KNL1: variants seen among roughly 807,000 people sequenced by gnomAD.
The protein encoded by KNL1 is kinetochore scaffold 1, also known as outer kinetochore KNL1 complex subunit KNL1.
Under a neutral mutation model 201.3 loss-of-function variants are expected in KNL1, and 66 were observed. The observed-to-expected ratio is 0.33, with a 90% CI of 0.27 to 0.40. The LOEUF (loss-of-function observed/expected upper bound fraction) is 0.40, where lower values mean the gene tolerates loss of function less well. Ranked by LOEUF, KNL1 falls within the 10% of genes least tolerant of loss-of-function variation. The probability of loss-of-function intolerance (pLI) is 1.00; values close to 1 mark genes in which losing one functional copy is unlikely to be tolerated. For missense variants in KNL1, 2,815 were observed against 2,690.5 expected (o/e 1.05, Z -1.02); for synonymous variants, 895 against 899.2 (o/e 1.00, Z 0.08).
At chr15:40,651,911 C>A in intron 20 of KNL1, 94 bp from the exon 21 acceptor site, 3 of 702,040 alleles carry the variant, frequency 4.3e-6, no homozygotes, top group South Asian at 1.9e-5. Context: ...AAAACATTAG[C>A]AGCTGCTGTT....
At chr15:40,594,705 T>G (rs1469443542) in intron 1 of KNL1, among the ~76,000 whole-genome samples, 1 of 152,134 alleles carries the variant, frequency 6.6e-6, no homozygotes, top group Non-Finnish European at 1.5e-5. Flanking sequence ...CCTGCCGTCC[T>G]CTGTCAGGGC....
Position 40,622,107 on chromosome 15 carries a change from A to G in KNL1, c.1843A>G (p.Ile615Val). 6.2e-7 allele frequency: 1 copy of G among 1,614,124 alleles called. No homozygotes were observed. The highest frequency in any genetic ancestry group is 8.5e-7 in the Non-Finnish European group (1 of 1,179,986). Residue 615 changes from isoleucine to valine, a missense_variant, in exon 10 of 26, where the codon ATT (isoleucine) becomes GTT (valine). Physicochemically the swap from Ile to Val is conservative, Grantham distance 29 (BLOSUM62 3). Coordinates refer to ENST00000399668, the MANE Select transcript of KNL1 (RefSeq NM_144508.5). ...AAGCTCTTCAGATGAATGTGAAGAA[A>G]TTACCAAAAGTCGTAATGAACCATT... ...SKSSSDECEE[I>V]TKSRNEPFQR...
At chr15:40,619,513 C>T (rs972022404) in intron 9 of KNL1, among the ~76,000 whole-genome samples, 2 of 152,016 alleles carry the variant, frequency 1.3e-5, no homozygotes, top group Non-Finnish European at 2.9e-5. Context: ...GCGATCCTCC[C>T]ACCTCAGCCT....
Position 40,621,584 on chromosome 15 carries a change from C to G in KNL1, c.1320C>G (p.Thr440=). The G allele has an allele frequency of 6.2e-7, 1 of 1,609,504 alleles. No individual in the cohort carries two copies. Among genetic ancestry groups the G allele is most frequent in the Non-Finnish European group, 8.5e-7 (1 of 1,177,844 alleles). The change falls in exon 10 of 26, where the codon ACC becomes ACG. Residue 440 remains threonine (T), a synonymous_variant. Coordinates refer to ENST00000399668, the MANE Select transcript of KNL1 (RefSeq NM_144508.5). The part of the protein sequence containing the change: ...YSSCNDAMEM[T]KCLSNMREEK... ...GTTGTAATGATGCCATGGAAATGACCAAATGTCTCTCAAATATGAGAGAGG... is the reference window on the plus strand; with the variant it reads ...GTTGTAATGATGCCATGGAAATGACGAAATGTCTCTCAAATATGAGAGAGG...
At chr15:40,618,517 T>G (rs1892416079) in intron 8 of KNL1, among the ~76,000 whole-genome samples, 1 of 151,898 alleles carries the variant, frequency 6.6e-6, no homozygotes, top group African/African-American at 2.4e-5. Context: ...AATAGAGAAG[T>G]GAATAATAAT....
intron 6 of KNL1, among the ~76,000 whole-genome samples, chr15:40,611,140 G>C (rs1024548936): frequency 2.7e-5 from 4 of 145,840 alleles, no homozygotes; most frequent in African/African-American, 1.0e-4. Flanking sequence ...AGTCTTGCTT[G>C]CCCTGTCGCC....
Position 40,623,438 on chromosome 15 carries a change from A to G in KNL1, c.3174A>G (p.Leu1058=). 3.1e-6 allele frequency: 5 copies of G among 1,612,734 alleles called. No individual in the cohort carries two copies. The highest frequency in any genetic ancestry group is 1.3e-5 in the African/African-American group (1 of 74,876). Residue 1058 remains leucine, a synonymous_variant, in exon 10 of 26, where the codon CTA becomes CTG. Coordinates refer to ENST00000399668, the MANE Select transcript of KNL1 (RefSeq NM_144508.5). The part of the protein sequence containing the change: ...VQSPGFLNEP[L]SSKSQRRKSL... ...GTCCTGGATTTCTGAATGAACCTCT[A>G]TCAAGCAAAAGTCAGAGAAGAAAAA...
intron 21 of KNL1, among the ~76,000 whole-genome samples, chr15:40,653,518 C>G (rs1182883609): frequency 1.3e-5 from 2 of 152,156 alleles, no homozygotes; most frequent in Non-Finnish European, 2.9e-5. Flanking sequence ...TAATATTCAT[C>G]CACTGTTTTT....
chr15:40,658,487 C>T (rs1255501252), intron 24 of KNL1, among the ~76,000 whole-genome samples: 1 of 132,818 alleles, frequency 7.5e-6, no homozygotes, highest in African/African-American at 2.9e-5. Context: ...CGAGATCACG[C>T]CACTGCACTC....
intron 15 of KNL1, among the ~76,000 whole-genome samples, chr15:40,645,444 C>G (rs189811377): frequency 3.0e-4 from 45 of 152,254 alleles, no homozygotes; most frequent in Admixed American, 2.7e-3. Flanking sequence ...AACTAAGAGC[C>G]TGTCATTTTC....
Position 40,622,561 on chromosome 15 carries a change from A to G in KNL1, c.2297A>G (p.Lys766Arg). 2 of 1,613,746 alleles carry G rather than the reference A, an allele frequency of 1.2e-6. No homozygotes were observed. Among genetic ancestry groups the G allele is most frequent in the South Asian group, 2.2e-5 (2 of 91,038 alleles). The change falls in exon 10 of 26, where the codon AAG (lysine) becomes AGG (arginine). Residue 766 changes from lysine to arginine, a missense_variant. By Grantham distance (26) the Lys-to-Arg change is conservative. Transcript: ENST00000399668. ...SEEEQNMDLTKSHTVVIGFGP... is the reference protein window; with the variant it reads ...SEEEQNMDLTRSHTVVIGFGP... ...GAAGAGCAAAATATGGATCTAACAA[A>G]GAGCCACACTGTCGTCATTGGATTT...
rs1892514420 is a variant in KNL1, at chr15:40,621,244, T to G, written c.980T>G (p.Leu327Trp). Residue 327 changes from leucine (L) to tryptophan (W), a missense_variant, in exon 10 of 26, where the codon TTG becomes TGG. Leu to Trp is a moderately conservative substitution (Grantham distance 61). This residue lies in a region of KNL1 where 2,464 missense variants were observed against 2,291.7 expected (regional missense o/e 1.08). Transcript: ENST00000399668. ...ATGGACTTGACATTTAACCACACTTTGCAGATCTTACCTGCAACAGGTAAT... is the reference window on the plus strand; with the variant it reads ...ATGGACTTGACATTTAACCACACTTGGCAGATCTTACCTGCAACAGGTAAT... ...DFMDLTFNHT[L>W]QILPATGNFS... The G allele has an allele frequency of 6.2e-7, 1 of 1,613,632 alleles. No individual in the cohort carries two copies. Among genetic ancestry groups the G allele is most frequent in the Non-Finnish European group, 8.5e-7 (1 of 1,179,844 alleles).
At chr15:40,655,832 C>A (rs1268166267) in intron 22 of KNL1, among the ~76,000 whole-genome samples, 1 of 150,640 alleles carries the variant, frequency 6.6e-6, no homozygotes, top group Non-Finnish European at 1.5e-5. Flanking sequence ...AGGAGAATGG[C>A]GTGAACCCGG....
intron 14 of KNL1, among the ~76,000 whole-genome samples, chr15:40,642,357 C>T (rs893373817): frequency 6.6e-6 from 1 of 151,632 alleles, no homozygotes; most frequent in Non-Finnish European, 1.5e-5. Flanking sequence ...TGAGATCGCA[C>T]CACTGCACTC....
intron 21 of KNL1, among the ~76,000 whole-genome samples, chr15:40,654,307 A>G (rs1157889741): frequency 6.6e-6 from 1 of 152,150 alleles, no homozygotes; most frequent in Admixed American, 6.6e-5. Context: ...TTTTCCTTAT[A>G]TGATTGCTGA....
intron 9 of KNL1, among the ~76,000 whole-genome samples, chr15:40,619,239 T>G (rs1892438594): frequency 6.6e-6 from 1 of 151,972 alleles, no homozygotes; most frequent in African/African-American, 2.4e-5. Flanking sequence ...AAAGAGCACA[T>G]GAGTCTTTAT....
intron 13 of KNL1, among the ~76,000 whole-genome samples, chr15:40,632,217 C>CA (rs1892931168): frequency 1.4e-5 from 2 of 142,044 alleles, no homozygotes; most frequent in South Asian, 4.9e-4. Flanking sequence ...GAGACCCCCC[C>CA]CCACCCACAT....
At chr15:40,659,310 T>C in intron 24 of KNL1, 29 bp from the exon 25 acceptor site, 1 of 1,586,724 alleles carries the variant, frequency 6.3e-7, no homozygotes, top group South Asian at 1.1e-5. Context: ...ATTTGTTGCA[T>C]TTTTAATTGT....
intron 8 of KNL1, among the ~76,000 whole-genome samples, chr15:40,617,858 C>T (rs1216385148): frequency 1.3e-5 from 2 of 151,078 alleles, no homozygotes; most frequent in Admixed American, 1.3e-4. Flanking sequence ...TTCTTTATAC[C>T]TTAGTAGACA....
Sources: allele counts gnomAD v4.1 joint callset (sites outside exome capture counted in the v4.1 genomes callset), GRCh38; gene constraint gnomAD v4.1.1; regional missense constraint gnomAD v4.1.1; transcripts MANE v1.5; gene names NCBI Gene and HGNC (gene_info 2026-07-23, HGNC 2026-07-21).